The following PTMA variants were observed in gnomAD, a reference collection of about 807,000 sequenced individuals.
PTMA encodes gene sequence 28.
Under a neutral mutation model 16.9 loss-of-function variants are expected in PTMA, and 4 were observed. The observed-to-expected ratio is 0.24, with a 90% CI of 0.12 to 0.54. The LOEUF (loss-of-function observed/expected upper bound fraction) is 0.54. PTMA is among the 20% of genes least tolerant of loss of function. PTMA has a pLI of 0.95. For missense variants in PTMA, 120 were observed against 137.7 expected (o/e 0.87, Z 0.64); for synonymous variants, 58 against 47.9 (o/e 1.21, Z -0.87).
chr2:231,708,667 C>G lies in PTMA; in HGVS notation c.-40C>G, dbSNP rs1303318051. The G allele has an allele frequency of 1.3e-6, 2 of 1,599,472 alleles. No individual in the cohort carries two copies. The highest frequency in any genetic ancestry group is 1.7e-6 in the Non-Finnish European group (2 of 1,179,146). ...GCCAGAGTCCCTGAACTCTCGCTTTCTTTTTAATCCCCTGCATCGGATCAC... is the reference window on the plus strand; with the variant it reads ...GCCAGAGTCCCTGAACTCTCGCTTTGTTTTTAATCCCCTGCATCGGATCAC... On this transcript the variant is annotated 5_prime_UTR_variant, in exon 1 of 5. Coordinates refer to ENST00000409115, the MANE Select transcript of PTMA (RefSeq NM_002823.5).
chr2:231,712,436 T>C lies in PTMA; in HGVS notation c.212-7T>C, dbSNP rs1376371052. The stretch of plus-strand genomic sequence containing the variant: ...GTGTGGTTTACCTGGCCTTTGATTC[T>C]CTCCAGGTGAGGAAGAGGATGGAGA... On this transcript the variant is annotated splice_polypyrimidine_tract_variant and splice_region_variant and intron_variant, in intron 3 of 4. Coordinates refer to ENST00000409115, the MANE Select transcript of PTMA (RefSeq NM_002823.5). 1 of 1,613,546 alleles carries C rather than the reference T, an allele frequency of 6.2e-7. No homozygotes were observed. The highest frequency in any genetic ancestry group is 1.7e-5 in the Admixed American group (1 of 60,002).
At chr2:231,711,645 T>C in intron 2 of PTMA, 1 of 748,190 alleles carries the variant, frequency 1.3e-6, no homozygotes, top group South Asian at 1.9e-5. Context: ...CAGAGGAGAC[T>C]CCGGTAGTCT....
intron 4 of PTMA, 95 bp from the exon 5 acceptor site, chr2:231,712,709 G>T: frequency 6.9e-7 from 1 of 1,455,268 alleles, no homozygotes; most frequent in South Asian, 1.2e-5. Flanking sequence ...GGAGCTGGGG[G>T]TCCCTGGTTC....
intron 1 of PTMA, chr2:231,710,478 CGCGGA>C (rs1338026352): frequency 3.7e-6 from 4 of 1,066,744 alleles, no homozygotes; most frequent in Non-Finnish European, 3.6e-6. Context: ...AGCCGGGGTC[CGCGGA>C]GCGGAGCGGG....
intron 1 of PTMA, chr2:231,710,611 G>GA: frequency 2.1e-6 from 1 of 485,688 alleles, no homozygotes. Context: ...GTGTCGTGTG[G>GA]AAAAAGTTAC....
chr2:231,712,711 C>T (rs75345231), intron 4 of PTMA, 93 bp from the exon 5 acceptor site: 25,274 of 1,464,750 alleles, frequency 0.017, 406 homozygotes, highest in South Asian at 0.062. Flanking sequence ...AGCTGGGGGT[C>T]CCTGGTTCTT....
Position 231,713,119 on chromosome 2 carries a change from A to G in PTMA, c.*268A>G. On this transcript the variant is annotated 3_prime_UTR_variant, in exon 5 of 5. Coordinates refer to ENST00000409115, the MANE Select transcript of PTMA (RefSeq NM_002823.5). ...TACTTTAAAAAGGAAATTTGTTTGT[A>G]TTTTTTATTTACATTTTATATTTTT... 2.1e-6 allele frequency: 1 copy of G among 468,372 alleles called. No individual in the cohort carries two copies. Among genetic ancestry groups the G allele is most frequent in the South Asian group, 2.3e-5 (1 of 42,780 alleles). The allele number at this position is 468,372 out of a possible 1,614,324, so 29.0% of individuals were successfully genotyped here. A position where few individuals can be genotyped will look rare whatever the true frequency, so the allele number is the denominator to read the frequency against.
intron 2 of PTMA, 71 bp from the exon 3 acceptor site, chr2:231,711,802 CCTCTGGTGGGAGGCCGG>C: frequency 1.9e-6 from 3 of 1,566,644 alleles, no homozygotes; most frequent in Non-Finnish European, 2.6e-6. Context: ...CAGCCGCCAG[CCTCTGGTGGGAGGCCGG>C]GCATCAGGAG....
At chr2:231,710,314 C>T (rs961652259) in intron 1 of PTMA, 3 of 1,243,500 alleles carry the variant, frequency 2.4e-6, no homozygotes, top group Non-Finnish European at 3.0e-6. Context: ...AAGGGACGCA[C>T]TCGGCGGCCC....
rs1254116505 is a variant in PTMA, at chr2:231,708,721, C to T, written c.15C>T (p.Ala5=). Residue 5 remains alanine, a synonymous_variant, in exon 1 of 5, where the codon GCC becomes GCT. Coordinates refer to ENST00000409115, the MANE Select transcript of PTMA (RefSeq NM_002823.5). MSDA[A]VDTSSEITTK... ...CGTGCCCCACCATGTCAGACGCAGC[C>T]GTAGACACCAGCTCCGAAATCACCA... 6 of 1,603,584 alleles carry T rather than the reference C, an allele frequency of 3.7e-6. No individual in the cohort carries two copies. Among genetic ancestry groups the T allele is most frequent in the East Asian group, 2.2e-5 (1 of 44,862 alleles).
At position 231,708,658 on chromosome 2, in the gene PTMA, T is replaced by A. The variant is rs569643948; in HGVS notation, c.-49T>A. 6.9e-6 allele frequency: 11 copies of A among 1,597,810 alleles called. No homozygotes were observed. In the Admixed American group the frequency reaches 1.8e-4, roughly 27 times the overall value. On this transcript the variant is annotated 5_prime_UTR_variant, in exon 1 of 5. Coordinates refer to ENST00000409115, the MANE Select transcript of PTMA (RefSeq NM_002823.5). ...AGCTTTATCGCCAGAGTCCCTGAAC[T>A]CTCGCTTTCTTTTTAATCCCCTGCA...
At chr2:231,710,345 C>A in intron 1 of PTMA, 1 of 1,216,908 alleles carries the variant, frequency 8.2e-7, no homozygotes. Flanking sequence ...GCTCCCTGCG[C>A]GCGGTGCGTG....
chr2:231,710,804 C>CGGT (rs962374004), intron 1 of PTMA: 15 of 310,806 alleles, frequency 4.8e-5, no homozygotes, highest in Non-Finnish European at 7.2e-5. Flanking sequence ...TTTGGGGGGT[C>CGGT]GGTGTGCTTT....
rs1054879771 is a variant in PTMA at position 231,712,672 on chromosome 2, C to G, written c.286-132C>G. 8 of 1,337,928 alleles carry G rather than the reference C, an allele frequency of 6.0e-6. No homozygotes were observed. The African/African-American group carries it at 1.0e-4, about 17-fold the overall frequency. 82.9% of individuals were successfully genotyped at this position (1,337,928 alleles called of 1,614,324 possible). A position where few individuals can be genotyped will look rare whatever the true frequency, so the allele number is the denominator to read the frequency against. ...AGAACAGGAAGGAAACAGGGCTGGG[C>G]TCAACTTCCCAGAGGCCTTGGGCTG... is the stretch of plus-strand genomic sequence containing the variant. On this transcript the variant is annotated intron_variant, in intron 4 of 4. Coordinates refer to ENST00000409115, the MANE Select transcript of PTMA (RefSeq NM_002823.5).
At chr2:231,712,538 AG>A (rs767942467) in intron 4 of PTMA, 22 bp downstream of exon 4, 5 of 1,613,254 alleles carry the variant, frequency 3.1e-6, no homozygotes, top group East Asian at 2.2e-5. Flanking sequence ...CTTGAGAAGA[AG>A]GGGGGTTTGG....
At position 231,709,871 on chromosome 2, in the gene PTMA, T is replaced by A. The variant is rs2048493884; in HGVS notation, c.45+1120T>A. The A allele has an allele frequency of 7.1e-6, 2 of 282,506 alleles. 1 individual carries two copies. Among genetic ancestry groups the A allele is most frequent in the Non-Finnish European group, 1.3e-5 (2 of 156,374 alleles). The allele number at this position is 282,506 out of a possible 1,614,324, so 17.5% of individuals were successfully genotyped here. A position where few individuals can be genotyped will look rare whatever the true frequency, so the allele number is the denominator to read the frequency against. On this transcript the variant is annotated intron_variant, in intron 1 of 4. Transcript: ENST00000409115. ...GGCGCGAGTCACCTTGGCGTCTCCT[T>A]AACCCTTGTGTCCCTGGCGTCATCT...
intron 1 of PTMA, chr2:231,710,070 T>C (rs1302858792): frequency 1.6e-6 from 2 of 1,229,956 alleles, no homozygotes; most frequent in Non-Finnish European, 2.0e-6. Context: ...AAAAGGTGAC[T>C]TCCCGCGAGG....
chr2:231,712,444 T>G lies in PTMA; in HGVS notation c.213T>G (p.Gly71=). ...TACCTGGCCTTTGATTCTCTCCAGG[T>G]GAGGAAGAGGATGGAGATGAAGATG... is the stretch of plus-strand genomic sequence containing the variant. ...EEEEEEEEGD[G]EEEDGDEDEE... The change falls in exon 4 of 5, where the codon GGT becomes GGG. Residue 71 remains glycine, a splice_region_variant and synonymous_variant. Transcript: ENST00000409115. 6.2e-7 allele frequency: 1 copy of G among 1,613,622 alleles called. No individual in the cohort carries two copies. Among genetic ancestry groups the G allele is most frequent in the Non-Finnish European group, 8.5e-7 (1 of 1,179,816 alleles).
At chr2:231,709,566 C>T (rs1219272003) in intron 1 of PTMA, among the ~76,000 whole-genome samples, 1 of 152,184 alleles carries the variant, frequency 6.6e-6, no homozygotes, top group Non-Finnish European at 1.5e-5. Flanking sequence ...ACCGTGTGCG[C>T]CGCAGCTCGG....
Sources: gnomAD v4.1 joint callset for allele counts (sites outside exome capture counted in the v4.1 genomes callset) on GRCh38, gnomAD v4.1.1 for gene constraint, MANE v1.5 for transcripts, NCBI Gene and HGNC (gene_info 2026-07-23, HGNC 2026-07-21) for gene names.